The following PPP2R3A variants were observed in gnomAD, a reference collection of about 807,000 sequenced individuals.
The protein encoded by PPP2R3A is protein phosphatase 2 regulatory subunit B''alpha.
In PPP2R3A, 80 loss-of-function variants were observed where a neutral mutation model predicts 106.9. The observed-to-expected ratio is 0.75, with a 90% CI of 0.62 to 0.90. PPP2R3A has a LOEUF of 0.90. PPP2R3A is among the 40% of genes least tolerant of loss of function. PPP2R3A has a pLI of 0.00. For synonymous variants in PPP2R3A, 483 were observed against 468.3 expected (o/e 1.03, Z -0.41); for missense variants, 1,386 against 1,350.4 (o/e 1.03, Z -0.41).
rs1046938726 is a variant in PPP2R3A at position 136,082,420 on chromosome 3, G to A, written c.2787G>A (p.Gln929=). The A allele has an allele frequency of 9.3e-6, 15 of 1,613,228 alleles. No individual in the cohort carries two copies. The highest frequency in any genetic ancestry group is 1.3e-5 in the Non-Finnish European group (15 of 1,179,332). Reference sequence around the variant, plus strand: ...CCGATCTGTCTCGATACAATGACCAGGGTAAGTGATTCTGTAGATGCTAAG... The same window carrying A: ...CCGATCTGTCTCGATACAATGACCAAGGTAAGTGATTCTGTAGATGCTAAG... ...SQADLSRYND[Q]ASSSRIIERI... The change falls in exon 8 of 14, where the codon CAG becomes CAA. Residue 929 remains glutamine, a splice_region_variant and synonymous_variant. Coordinates refer to ENST00000264977, the MANE Select transcript of PPP2R3A (RefSeq NM_002718.5).
In PPP2R3A at chr3:136,002,796, C is replaced by A. The variant is rs1933687166; in HGVS notation, c.1298C>A (p.Thr433Lys). ...GKKALDKGQK[T>K]ENGPSHELLK... Reference sequence around the variant, plus strand: ...AAAGCATTAGATAAAGGACAAAAGACAGAGAATGGACCTAGTCATGAGTTA... The same window carrying A: ...AAAGCATTAGATAAAGGACAAAAGAAAGAGAATGGACCTAGTCATGAGTTA... Residue 433 changes from threonine (T) to lysine (K), a missense_variant, in exon 2 of 14, where the codon ACA becomes AAA. Coordinates refer to ENST00000264977, the MANE Select transcript of PPP2R3A (RefSeq NM_002718.5). 1.9e-6 allele frequency: 3 copies of A among 1,613,440 alleles called. No individual in the cohort carries two copies. Among genetic ancestry groups the A allele is most frequent in the African/African-American group, 2.7e-5 (2 of 74,872 alleles).
chr3:136,126,042 A>T (rs530121547), intron 13 of PPP2R3A, among the ~76,000 whole-genome samples: 1 of 152,344 alleles, frequency 6.6e-6, no homozygotes, highest in East Asian at 1.9e-4. Flanking sequence ...GCCGAATAGG[A>T]ACAGCTCTGG....
intron 1 of PPP2R3A, among the ~76,000 whole-genome samples, chr3:135,980,241 C>A (rs1474942122): frequency 6.6e-6 from 1 of 151,788 alleles, no homozygotes; most frequent in Non-Finnish European, 1.5e-5. Context: ...AGTGTCCCAA[C>A]CAAATTTTCC....
chr3:136,049,498 G>A, intron 5 of PPP2R3A, 137 bp downstream of exon 5: 1 of 540,342 alleles, frequency 1.9e-6, no homozygotes, highest in Admixed American at 3.5e-5. Flanking sequence ...TTTCAAACTT[G>A]TTTTAGCAGT....
intron 1 of PPP2R3A, among the ~76,000 whole-genome samples, chr3:135,979,495 C>A (rs1359429596): frequency 6.6e-6 from 1 of 151,852 alleles, no homozygotes; most frequent in African/African-American, 2.4e-5. Context: ...ATTGGCCAGC[C>A]TGGAAAAGAC....
At chr3:136,118,701 A>G (rs928684449) in intron 13 of PPP2R3A, among the ~76,000 whole-genome samples, 2 of 152,038 alleles carry the variant, frequency 1.3e-5, no homozygotes, top group Non-Finnish European at 2.9e-5. Flanking sequence ...AGAACTACAA[A>G]CCACTGCTCA....
chr3:136,136,468 G>A (rs753749745), intron 13 of PPP2R3A, among the ~76,000 whole-genome samples: 1 of 152,038 alleles, frequency 6.6e-6, no homozygotes, highest in African/African-American at 2.4e-5. Context: ...TCTGTTGCAT[G>A]AACAGCAGGA....
At chr3:136,112,861 G>A (rs983177379) in intron 13 of PPP2R3A, among the ~76,000 whole-genome samples, 14 of 152,118 alleles carry the variant, frequency 9.2e-5, no homozygotes, top group South Asian at 2.1e-4. Flanking sequence ...AGCTGGGCGC[G>A]GTGGCTCATG....
At chr3:136,122,343 T>C (rs1489263269) in intron 13 of PPP2R3A, among the ~76,000 whole-genome samples, 7 of 152,024 alleles carry the variant, frequency 4.6e-5, no homozygotes, top group African/African-American at 1.7e-4. Flanking sequence ...GATGACAAAA[T>C]AAAGTACAAC....
At chr3:135,972,776 T>C (rs1390138322) in intron 1 of PPP2R3A, among the ~76,000 whole-genome samples, 1 of 152,186 alleles carries the variant, frequency 6.6e-6, no homozygotes, top group Non-Finnish European at 1.5e-5. Context: ...TTCAAGTCTT[T>C]TATCAATTTT....
At position 136,001,902 on chromosome 3, in the gene PPP2R3A, C is replaced by CT; in HGVS notation, c.405dup (p.Asn136Ter). The CT allele has an allele frequency of 6.2e-7, 1 of 1,614,148 alleles. No individual in the cohort carries two copies. The highest frequency in any genetic ancestry group is 8.5e-7 in the Non-Finnish European group (1 of 1,180,024). ...TTTTCCTTTGAAAAACTCAAAAACTCTAACCATGCAGCTTACAGAAAGGGA... is the reference window on the plus strand; with the variant it reads ...TTTTCCTTTGAAAAACTCAAAAACTCTTAACCATGCAGCTTACAGAAAGGGA... On this transcript the variant is annotated frameshift_variant, in exon 2 of 14. Transcript: ENST00000264977. LOFTEE classifies it high-confidence loss of function.
chr3:136,088,963 A>G (rs1294249098), intron 9 of PPP2R3A, among the ~76,000 whole-genome samples: 1 of 152,030 alleles, frequency 6.6e-6, no homozygotes, highest in East Asian at 1.9e-4. Context: ...TTTAAGTTCG[A>G]TATAGAGTCT....
intron 13 of PPP2R3A, among the ~76,000 whole-genome samples, chr3:136,143,370 A>T (rs1270640817): frequency 6.6e-6 from 1 of 152,194 alleles, no homozygotes; most frequent in Non-Finnish European, 1.5e-5. Context: ...ATACGTCCGT[A>T]ATCCCTGCTT....
chr3:136,097,544 A>G (rs1034398051), intron 10 of PPP2R3A, among the ~76,000 whole-genome samples: 2 of 152,216 alleles, frequency 1.3e-5, no homozygotes, highest in Admixed American at 1.3e-4. Context: ...ACTGAAGGGT[A>G]TGCTTTAGCT....
At chr3:136,055,344 C>CT (rs1935825138) in intron 5 of PPP2R3A, 5 of 953,194 alleles carry the variant, frequency 5.2e-6, no homozygotes, top group East Asian at 2.4e-5. Flanking sequence ...TTGATCAACT[C>CT]TAAGAGTTTA....
At chr3:135,970,579 G>A (rs1937217782) in intron 1 of PPP2R3A, among the ~76,000 whole-genome samples, 1 of 152,166 alleles carries the variant, frequency 6.6e-6, no homozygotes. Context: ...TAGCAAGATG[G>A]AGTCTTTGAC....
intron 10 of PPP2R3A, among the ~76,000 whole-genome samples, chr3:136,095,358 C>T (rs969805637): frequency 6.6e-6 from 1 of 152,202 alleles, no homozygotes; most frequent in Non-Finnish European, 1.5e-5. Flanking sequence ...TGCCTTTCTC[C>T]TAACAGCTCA....
intron 13 of PPP2R3A, among the ~76,000 whole-genome samples, chr3:136,124,358 C>T (rs1044359689): frequency 4.6e-5 from 7 of 152,050 alleles, no homozygotes; most frequent in Non-Finnish European, 8.8e-5. Flanking sequence ...TGGCATACAC[C>T]TATAGTTCTA....
At position 136,070,559 on chromosome 3, in the gene PPP2R3A, T is replaced by C; in HGVS notation, c.2544+7T>C. On this transcript the variant is annotated splice_region_variant and intron_variant, in intron 6 of 13. Transcript: ENST00000264977. Reference sequence around the variant, plus strand: ...CTCCCGCTACATCACCACGGTAGGCTGAGTCATCTTTTTTCTTAATATAAC... The same window carrying C: ...CTCCCGCTACATCACCACGGTAGGCCGAGTCATCTTTTTTCTTAATATAAC... 3 of 1,598,504 alleles carry C rather than the reference T, an allele frequency of 1.9e-6. No individual in the cohort carries two copies. Among genetic ancestry groups the C allele is most frequent in the South Asian group, 1.1e-5 (1 of 88,352 alleles).
Sources: allele counts gnomAD v4.1 joint callset (sites outside exome capture counted in the v4.1 genomes callset), GRCh38; gene constraint gnomAD v4.1.1; transcripts MANE v1.5; gene names NCBI Gene and HGNC (gene_info 2026-07-23, HGNC 2026-07-21).